MTHFD1: variants seen among roughly 807,000 people sequenced by gnomAD.
The protein encoded by MTHFD1 is methylenetetrahydrofolate dehydrogenase, cyclohydrolase and formyltetrahydrofolate synthetase 1, also known as C-1-tetrahydrofolate synthase, cytoplasmic.
In MTHFD1, 44 loss-of-function variants were observed where a neutral mutation model predicts 110.3. That is an observed-to-expected ratio of 0.40 (90% CI 0.31 to 0.51). The LOEUF (loss-of-function observed/expected upper bound fraction) is 0.51, where lower values mean the gene tolerates loss of function less well. Among genes scored for constraint, MTHFD1 ranks in the 20% least tolerant of loss-of-function variants. The pLI, the probability that MTHFD1 is intolerant of heterozygous loss-of-function variation, is 0.60. For missense variants in MTHFD1, 909 were observed against 1,173.1 expected (o/e 0.77, Z 3.29); for synonymous variants, 402 against 428.8 (o/e 0.94, Z 0.77).
rs768532858 is a variant in MTHFD1 at position 64,439,165 on chromosome 14, C to T, written c.1667C>T (p.Thr556Ile). 1.8e-5 allele frequency: 29 copies of T among 1,613,072 alleles called. No individual in the cohort carries two copies. Among genetic ancestry groups the T allele is most frequent in the Non-Finnish European group, 2.3e-5 (27 of 1,179,140 alleles). Reference protein sequence around the residue: ...IGQAPTEKGHTRTAQFDISVA... With the variant: ...IGQAPTEKGHIRTAQFDISVA... ...CAGGCTCCAACGGAGAAGGGTCACA[C>T]ACGGACGGTAACAATTTGTCCCTTT... The change falls in exon 17 of 28, where the codon ACA (threonine) becomes ATA (isoleucine). Residue 556 changes from threonine to isoleucine, a missense_variant. By Grantham distance (89) the Thr-to-Ile change is moderately conservative. This residue lies in a region of MTHFD1 where 482 missense variants were observed against 646.0 expected (regional missense o/e 0.75). Transcript: ENST00000652337.
chr14:64,406,046 TA>T (rs200250309), intron 2 of MTHFD1, among the ~76,000 whole-genome samples: 65 of 143,292 alleles, frequency 4.5e-4, no homozygotes, highest in Admixed American at 9.1e-4. Flanking sequence ...TTATTATTAT[TA>T]TTTTTTTTGA....
chr14:64,441,180 A>C (rs558812185), intron 18 of MTHFD1: 93 of 554,164 alleles, frequency 1.7e-4, no homozygotes, highest in South Asian at 1.6e-3. Flanking sequence ...CAACACAGCC[A>C]GACTCCGTCT....
chr14:64,426,691 G>A (rs1244212020), intron 11 of MTHFD1, among the ~76,000 whole-genome samples: 1 of 145,596 alleles, frequency 6.9e-6, no homozygotes. Flanking sequence ...GGCTGGTCTC[G>A]AACTCCTGAC....
chr14:64,448,862 C>T (rs929503487), intron 23 of MTHFD1, among the ~76,000 whole-genome samples: 2 of 151,364 alleles, frequency 1.3e-5, no homozygotes, highest in African/African-American at 2.4e-5. Context: ...TGCAGTGGCA[C>T]GATCTCCACT....
chr14:64,393,803 C>T (rs2077826109), intron 1 of MTHFD1, among the ~76,000 whole-genome samples: 1 of 152,080 alleles, frequency 6.6e-6, no homozygotes, highest in Non-Finnish European at 1.5e-5. Flanking sequence ...GGAAAGCTGG[C>T]CTAGTACAGA....
chr14:64,445,085 G>A, intron 22 of MTHFD1: 1 of 365,988 alleles, frequency 2.7e-6, no homozygotes, highest in Non-Finnish European at 5.3e-6. Flanking sequence ...GTAGAAACTG[G>A]GGATGCTGGC....
intron 18 of MTHFD1, 148 bp from the exon 19 acceptor site, chr14:64,441,236 GA>G (rs1174840675): frequency 1.3e-6 from 1 of 779,886 alleles, no homozygotes; most frequent in Non-Finnish European, 2.3e-6. Context: ...AGCATATCCA[GA>G]AAAAAACCAT....
chr14:64,443,530 T>C (rs1169690695), intron 21 of MTHFD1, among the ~76,000 whole-genome samples: 1 of 152,176 alleles, frequency 6.6e-6, no homozygotes. Flanking sequence ...CAGAATCTTA[T>C]GGAAATAGTT....
In MTHFD1 at chr14:64,442,132, G is replaced by A. The variant is rs1461091074; in HGVS notation, c.1963G>A (p.Ala655Thr). 6.2e-6 allele frequency: 10 copies of A among 1,613,976 alleles called. No homozygotes were observed. Among genetic ancestry groups the A allele is most frequent in the Non-Finnish European group, 8.5e-6 (10 of 1,180,014 alleles). ...TTCCTCCATCATTGCAGACCGGATC[G>A]CACTCAAGCTTGTTGGCCCAGAAGG... is the stretch of plus-strand genomic sequence containing the variant. Reference protein sequence around the residue: ...GNSSIIADRIALKLVGPEGFV... With the variant: ...GNSSIIADRITLKLVGPEGFV... Residue 655 changes from alanine (A) to threonine (T), a missense_variant, in exon 20 of 28, where the codon GCA becomes ACA. Physicochemically the swap from Ala to Thr is moderately conservative, Grantham distance 58. Around this residue, in one of 3 missense-constraint regions of MTHFD1, gnomAD observed 482 missense variants for 646.0 expected, o/e 0.75. Coordinates refer to ENST00000652337, the MANE Select transcript of MTHFD1 (RefSeq NM_005956.4).
In MTHFD1 at chr14:64,439,413, G is replaced by A. The variant is rs149057558; in HGVS notation, c.1674+241G>A. 8.0e-4 allele frequency: 453 copies of A among 565,188 alleles called. 1 individual carries two copies. The highest frequency in any genetic ancestry group is 7.5e-3 in the African/African-American group (401 of 53,294). 35.0% of individuals were successfully genotyped at this position (565,188 alleles called of 1,614,324 possible). A position where few individuals can be genotyped will look rare whatever the true frequency, so the allele number is the denominator to read the frequency against. ...TTTTCCTGGAGGTGGAGAGCCCCAA[G>A]TGAATATCCTTGCATAGAAATTGAT... On this transcript the variant is annotated intron_variant, in intron 17 of 27. Coordinates refer to ENST00000652337, the MANE Select transcript of MTHFD1 (RefSeq NM_005956.4).
At chr14:64,442,526 C>A in intron 21 of MTHFD1, 124 bp downstream of exon 21, 1 of 1,032,426 alleles carries the variant, frequency 9.7e-7, no homozygotes, top group Non-Finnish European at 1.5e-6. Flanking sequence ...GCAGCAAAAG[C>A]AAGGGACGGG....
intron 7 of MTHFD1, 103 bp downstream of exon 7, chr14:64,418,127 C>A (rs2078039513): frequency 1.4e-6 from 2 of 1,426,002 alleles, no homozygotes; most frequent in Non-Finnish European, 2.0e-6. Flanking sequence ...ACCCCATCAT[C>A]TCATTTTTAC....
intron 8 of MTHFD1, chr14:64,424,378 A>G: frequency 4.0e-6 from 1 of 249,748 alleles, no homozygotes; most frequent in Non-Finnish European, 7.8e-6. Flanking sequence ...CATGGAGCTC[A>G]CAAAATGCTG....
intron 13 of MTHFD1, among the ~76,000 whole-genome samples, chr14:64,430,559 G>A (rs1596546831): frequency 6.6e-6 from 1 of 152,102 alleles, no homozygotes; most frequent in Non-Finnish European, 1.5e-5. Context: ...GCCTCCCAAA[G>A]TGCTGGTATT....
intron 12 of MTHFD1, among the ~76,000 whole-genome samples, chr14:64,428,624 G>A (rs1434380476): frequency 6.7e-6 from 1 of 148,704 alleles, no homozygotes; most frequent in Non-Finnish European, 1.5e-5. Flanking sequence ...CACGATCTTG[G>A]CTCACTGCAA....
chr14:64,427,520 C>T, intron 12 of MTHFD1, 47 bp downstream of exon 12: 1 of 1,601,404 alleles, frequency 6.2e-7, no homozygotes, highest in South Asian at 1.1e-5. Context: ...ACCTGCTTCT[C>T]CTTCAGTCCT....
chr14:64,393,047 G>A (rs1189780494), intron 1 of MTHFD1, among the ~76,000 whole-genome samples: 1 of 152,190 alleles, frequency 6.6e-6, no homozygotes, highest in Non-Finnish European at 1.5e-5. Flanking sequence ...AAGTTAACAT[G>A]GATAAGACTT....
chr14:64,409,724 C>T (rs77066470), intron 2 of MTHFD1, among the ~76,000 whole-genome samples: 3,276 of 152,126 alleles, frequency 0.022, 100 homozygotes, highest in African/African-American at 0.074. Flanking sequence ...GTAGAATTCC[C>T]CTCAAAGGAC....
At position 64,454,729 on chromosome 14, in the gene MTHFD1, G is replaced by T; in HGVS notation, c.2572G>T (p.Gly858Trp). The change falls in exon 26 of 28, where the codon GGG (glycine) becomes TGG (tryptophan). Residue 858 changes from glycine to tryptophan, a missense_variant. Coordinates refer to ENST00000652337, the MANE Select transcript of MTHFD1 (RefSeq NM_005956.4). The stretch of plus-strand genomic sequence containing the variant: ...TCTTCCCTTCTTTCCCCAGGGCTTT[G>T]GGAATCTCCCCATCTGCATGGCTAA... ...KAEVYTKQGF[G>W]NLPICMAKTH... is the part of the protein sequence containing the mutation. 1 of 1,613,516 alleles carries T rather than the reference G, an allele frequency of 6.2e-7. No homozygotes were observed. The highest frequency in any genetic ancestry group is 8.5e-7 in the Non-Finnish European group (1 of 1,179,478).
Sources: allele counts gnomAD v4.1 joint callset (sites outside exome capture counted in the v4.1 genomes callset), GRCh38; gene constraint gnomAD v4.1.1; regional missense constraint gnomAD v4.1.1; transcripts MANE v1.5; gene names NCBI Gene and HGNC (gene_info 2026-07-23, HGNC 2026-07-21).